Variants in BFSP1 observed in about 807,000 individuals in gnomAD.
BFSP1 encodes beaded filament structural protein 1, also known as filensin.
A neutral mutation model predicts 43.9 loss-of-function variants in BFSP1; 38 were observed. The observed-to-expected ratio is 0.87, with a 90% CI of 0.67 to 1.14. The LOEUF (loss-of-function observed/expected upper bound fraction) is 1.14. BFSP1 is among the 50% of genes most tolerant of loss of function. BFSP1 has a pLI of 0.00. For missense variants in BFSP1, 850 were observed against 875.1 expected (o/e 0.97, Z 0.36); for synonymous variants, 352 against 354.8 (o/e 0.99, Z 0.09).
chr20:17,564,363 TAAAAAA>T (rs11087214), intron 1 of BFSP1, among the ~76,000 whole-genome samples: 1 of 137,138 alleles, frequency 7.3e-6, no homozygotes, highest in Non-Finnish European at 1.6e-5. Flanking sequence ...AGAACCTGGC[TAAAAAA>T]AAAAAAAAAA....
chr20:17,536,380 A>C (rs569914813), intron 1 of BFSP1, among the ~76,000 whole-genome samples: 2 of 152,202 alleles, frequency 1.3e-5, no homozygotes, highest in South Asian at 4.2e-4. Flanking sequence ...GTGAAACCCC[A>C]TGTCGACAAA....
intron 4 of BFSP1, among the ~76,000 whole-genome samples, chr20:17,510,815 G>A (rs779235859): frequency 6.6e-6 from 1 of 152,158 alleles, no homozygotes; most frequent in Non-Finnish European, 1.5e-5. Flanking sequence ...CCAGGGTTGA[G>A]AGCCACCATC....
At chr20:17,535,381 A>G (rs1030911408), upstream of BFSP1, among the ~76,000 whole-genome samples, 4 of 152,122 alleles carry the variant, frequency 2.6e-5, no homozygotes, top group African/African-American at 9.7e-5. Context: ...ATACAAAAAA[A>G]TTAGCAAGGC....
intron 1 of BFSP1, among the ~76,000 whole-genome samples, chr20:17,548,613 G>C (rs538313692): frequency 6.6e-6 from 1 of 152,164 alleles, no homozygotes; most frequent in South Asian, 2.1e-4. Flanking sequence ...TGCATAGACC[G>C]AGTATGATGC....
At chr20:17,514,341 T>C (rs899080615) in intron 3 of BFSP1, among the ~76,000 whole-genome samples, 4 of 152,204 alleles carry the variant, frequency 2.6e-5, no homozygotes, top group African/African-American at 7.2e-5. Context: ...TCCTGAATAA[T>C]GTGCTCCTGC....
At chr20:17,555,946 G>T (rs773151669) in intron 1 of BFSP1, among the ~76,000 whole-genome samples, 2 of 152,186 alleles carry the variant, frequency 1.3e-5, no homozygotes, top group Non-Finnish European at 1.5e-5. Flanking sequence ...AATGAAAAAG[G>T]TGATATTTGT....
At chr20:17,557,464 C>A (rs79299986) in intron 1 of BFSP1, among the ~76,000 whole-genome samples, 1 of 152,110 alleles carries the variant, frequency 6.6e-6, no homozygotes, top group Non-Finnish European at 1.5e-5. Flanking sequence ...TCTCTGCCCC[C>A]CTATGTCCCC....
chr20:17,514,165 C>T (rs555865449), intron 3 of BFSP1, among the ~76,000 whole-genome samples: 1 of 152,212 alleles, frequency 6.6e-6, no homozygotes, highest in Admixed American at 6.5e-5. Context: ...GGAGAGCCTG[C>T]ATTTGCATTT....
rs1263827053 is a variant in BFSP1, at chr20:17,531,352, G to T, written c.-23C>A. On this transcript the variant is annotated 5_prime_UTR_variant, in exon 1 of 8. Transcript: ENST00000377873. ...CATGGCTGCTCTGGCGCGGGCGCGC[G>T]GGCGGCGCCGAGCCGGCTCTCCAGG... 2.5e-5 allele frequency: 34 copies of T among 1,361,802 alleles called. No individual in the cohort carries two copies. Among genetic ancestry groups the T allele is most frequent in the Non-Finnish European group, 3.0e-5 (32 of 1,063,606 alleles). 84.4% of individuals were successfully genotyped at this position (1,361,802 alleles called of 1,614,324 possible). A position where few individuals can be genotyped will look rare whatever the true frequency, so the allele number is the denominator to read the frequency against.
At chr20:17,562,335 G>C (rs1228174723), upstream of BFSP1, among the ~76,000 whole-genome samples, 2 of 149,784 alleles carry the variant, frequency 1.3e-5, no homozygotes, top group East Asian at 4.1e-4. Flanking sequence ...GACCAGCCTG[G>C]CCAGCATGGT....
intron 1 of BFSP1, among the ~76,000 whole-genome samples, chr20:17,564,363 TAAAA>T (rs11087214): frequency 7.3e-6 from 1 of 137,134 alleles, no homozygotes. Context: ...AGAACCTGGC[TAAAA>T]AAAAAAAAAA....
At chr20:17,550,434 A>G (rs1324713101) in intron 1 of BFSP1, among the ~76,000 whole-genome samples, 1 of 151,504 alleles carries the variant, frequency 6.6e-6, no homozygotes, top group East Asian at 1.9e-4. Flanking sequence ...ATTTTAGTGC[A>G]TAAGTACATC....
intron 1 of BFSP1, among the ~76,000 whole-genome samples, chr20:17,568,912 C>A (rs1331467811): frequency 1.3e-5 from 2 of 152,198 alleles, no homozygotes; most frequent in Non-Finnish European, 2.9e-5. Flanking sequence ...TTATAAAATT[C>A]TTTGTTCCCT....
chr20:17,566,842 C>T (rs895888905), intron 1 of BFSP1, among the ~76,000 whole-genome samples: 4 of 152,158 alleles, frequency 2.6e-5, no homozygotes, highest in Admixed American at 2.0e-4. Flanking sequence ...TTAGTAGAGA[C>T]GGGGTTTCAC....
At chr20:17,544,106 C>A (rs1195094572) in intron 1 of BFSP1, among the ~76,000 whole-genome samples, 2 of 152,136 alleles carry the variant, frequency 1.3e-5, no homozygotes, top group African/African-American at 4.8e-5. Context: ...CCCAGGACAC[C>A]AGTAGAAGAG....
Position 17,494,239 on chromosome 20 carries a change from T to G in BFSP1, c.1833A>C (p.Lys611Asn). 6.2e-7 allele frequency: 1 copy of G among 1,613,944 alleles called. No homozygotes were observed. The highest frequency in any genetic ancestry group is 2.2e-5 in the East Asian group (1 of 44,886). The change falls in exon 8 of 8, where the codon AAA (lysine) becomes AAC (asparagine). Residue 611 changes from lysine (K) to asparagine (N), a missense_variant. By Grantham distance (94) the Lys-to-Asn change is moderately conservative. Coordinates refer to ENST00000377873, the MANE Select transcript of BFSP1 (RefSeq NM_001195.5). Reference protein sequence around the residue: ...LGTRSRSLPEKGPPKALAYKT... With the variant: ...LGTRSRSLPENGPPKALAYKT... ...TATAGGCCAAAGCCTTGGGAGGGCC[T>G]TTTTCTGGCAGGCTTCTGCTCCTAG...
At chr20:17,510,206 C>G (rs544799413) in intron 4 of BFSP1, among the ~76,000 whole-genome samples, 1 of 152,324 alleles carries the variant, frequency 6.6e-6, no homozygotes, top group South Asian at 2.1e-4. Flanking sequence ...GGGTCTGAGG[C>G]TGGACTGGAC....
At chr20:17,539,765 CA>C (rs1036640478) in intron 1 of BFSP1, among the ~76,000 whole-genome samples, 1 of 147,938 alleles carries the variant, frequency 6.8e-6, no homozygotes, top group Non-Finnish European at 1.5e-5. Flanking sequence ...AACTCTATCT[CA>C]AAAAAAAAGA....
chr20:17,550,281 G>A (rs905098539), intron 1 of BFSP1, among the ~76,000 whole-genome samples: 3 of 152,118 alleles, frequency 2.0e-5, no homozygotes, highest in African/African-American at 7.2e-5. Flanking sequence ...CAGAAAGCAA[G>A]AGGAGAAATG....
Sources: allele counts gnomAD v4.1 joint callset (sites outside exome capture counted in the v4.1 genomes callset), GRCh38; gene constraint gnomAD v4.1.1; transcripts MANE v1.5; gene names NCBI Gene and HGNC (gene_info 2026-07-23, HGNC 2026-07-21).